The following USH2A variants were observed in gnomAD, a reference collection of about 807,000 sequenced individuals.
The protein encoded by USH2A is Usher syndrome 2A (autosomal recessive, mild).
In USH2A, 443 loss-of-function variants were observed where a neutral mutation model predicts 538.9. That is an observed-to-expected ratio of 0.82 (90% CI 0.76 to 0.89). The LOEUF (loss-of-function observed/expected upper bound fraction) is 0.89. USH2A is among the 40% of genes least tolerant of loss of function. The probability of loss-of-function intolerance (pLI) is 0.00; values close to 1 mark genes in which losing one functional copy is unlikely to be tolerated. For missense variants in USH2A, 6,633 were observed against 6,324.8 expected (o/e 1.05, Z -1.65); for synonymous variants, 2,413 against 2,273.5 (o/e 1.06, Z -1.75).
At position 215,674,911 on chromosome 1, in the gene USH2A, G is replaced by A. The variant is rs367850936; in HGVS notation, c.13000C>T (p.Gln4334Ter). The change falls in exon 63 of 72, where the codon CAA becomes TAA. Residue 4334 changes from glutamine (Q) to a stop codon, truncating the protein, a stop_gained. Transcript: ENST00000307340. LOFTEE classifies it high-confidence loss of function. The part of the protein sequence containing the change: ...LPFSTYSYAL[Q>*]ACTSGGCSTS... Reference sequence around the variant, plus strand: ...GAGCATCCTCCACTCGTGCAGGCTTGGAGTGCATAGCTATAGGTGGAAAAA... The same window carrying A: ...GAGCATCCTCCACTCGTGCAGGCTTAGAGTGCATAGCTATAGGTGGAAAAA... 6.2e-7 allele frequency: 1 copy of A among 1,614,142 alleles called. No individual in the cohort carries two copies. The highest frequency in any genetic ancestry group is 8.5e-7 in the Non-Finnish European group (1 of 1,180,016).
intron 3 of USH2A, among the ~76,000 whole-genome samples, chr1:216,373,302 T>C (rs543907436): frequency 1.3e-5 from 2 of 152,332 alleles, no homozygotes; most frequent in African/African-American, 4.8e-5. Context: ...GGAACAAAGA[T>C]GAGAACGTGA....
At chr1:216,236,864 C>G (rs146036210) in intron 13 of USH2A, among the ~76,000 whole-genome samples, 42 of 152,252 alleles carry the variant, frequency 2.8e-4, no homozygotes, top group African/African-American at 8.7e-4. Flanking sequence ...TTGGAATTTT[C>G]TGTTTCATAA....
intron 35 of USH2A, among the ~76,000 whole-genome samples, chr1:215,986,785 A>G (rs1219813726): frequency 2.6e-5 from 4 of 152,306 alleles, no homozygotes; most frequent in African/African-American, 7.2e-5. Context: ...CATCAACACT[A>G]TTACAATTTT....
intron 61 of USH2A, among the ~76,000 whole-genome samples, chr1:215,709,188 T>C (rs1659266188): frequency 6.6e-6 from 1 of 152,180 alleles, no homozygotes; most frequent in South Asian, 2.1e-4. Flanking sequence ...ATGATTAATC[T>C]TTCAGTGTGT....
chr1:216,329,937 T>C (rs966255118), intron 4 of USH2A, among the ~76,000 whole-genome samples: 3 of 152,244 alleles, frequency 2.0e-5, no homozygotes, highest in South Asian at 4.1e-4. Context: ...TCCAATTTGC[T>C]TTCTCAGGAT....
At chr1:215,829,364 A>G (rs1381882568) in intron 47 of USH2A, among the ~76,000 whole-genome samples, 1 of 152,230 alleles carries the variant, frequency 6.6e-6, no homozygotes, top group Non-Finnish European at 1.5e-5. Flanking sequence ...GAGTTGGTAC[A>G]CTGCACGCAT....
chr1:215,893,741 C>T (rs980771742), intron 40 of USH2A, among the ~76,000 whole-genome samples: 9 of 152,094 alleles, frequency 5.9e-5, no homozygotes, highest in African/African-American at 2.2e-4. Context: ...GAGGAGTGTG[C>T]TTTAAGTGCC....
chr1:216,040,609 C>T (rs1412391634), intron 32 of USH2A, among the ~76,000 whole-genome samples: 2 of 151,944 alleles, frequency 1.3e-5, no homozygotes, highest in Non-Finnish European at 2.9e-5. Flanking sequence ...TAGTCATCAT[C>T]GATCAGGTGC....
At chr1:215,904,992 C>G (rs959837092) in intron 38 of USH2A, among the ~76,000 whole-genome samples, 2 of 152,034 alleles carry the variant, frequency 1.3e-5, no homozygotes, top group Non-Finnish European at 2.9e-5. Flanking sequence ...GAAAACAAAA[C>G]ACCAAATAGA....
intron 21 of USH2A, among the ~76,000 whole-genome samples, chr1:216,166,995 T>C (rs1441732925): frequency 6.6e-6 from 1 of 152,094 alleles, no homozygotes; most frequent in Non-Finnish European, 1.5e-5. Flanking sequence ...TGCCTTTATT[T>C]TGAAGTTGCA....
rs1476397331 is a variant in USH2A at position 216,027,538 on chromosome 1, G to T, written c.6325+18893C>A. Among the ~76,000 whole-genome samples the T allele has an allele frequency of 1.3e-5, 2 of 152,102 alleles. 1 individual carries two copies. Among genetic ancestry groups the T allele is most frequent in the Non-Finnish European group, 2.9e-5 (2 of 68,020 alleles). On this transcript the variant is annotated intron_variant, in intron 32 of 71. Coordinates refer to ENST00000307340, the MANE Select transcript of USH2A (RefSeq NM_206933.4). ...AGGTCCGTAGTTAATTAAAACAGGG[G>T]TGTTATAAGGTCATGCAACAGTAGA... is the stretch of plus-strand genomic sequence containing the variant.
intron 4 of USH2A, among the ~76,000 whole-genome samples, chr1:216,350,107 G>C (rs962227472): frequency 2.6e-5 from 4 of 152,008 alleles, no homozygotes; most frequent in African/African-American, 9.7e-5. Context: ...AGTGGGAGGA[G>C]GTGCCACACA....
intron 47 of USH2A, among the ~76,000 whole-genome samples, chr1:215,829,516 G>T (rs974066065): frequency 6.6e-6 from 1 of 152,170 alleles, no homozygotes; most frequent in African/African-American, 2.4e-5. Context: ...TTAAATGCTA[G>T]AGAAGTAGAC....
intron 64 of USH2A, among the ~76,000 whole-genome samples, chr1:215,669,984 C>G (rs1452906474): frequency 6.6e-6 from 1 of 152,158 alleles, no homozygotes; most frequent in Non-Finnish European, 1.5e-5. Flanking sequence ...CACTTAAGTG[C>G]TTACATCAGT....
At chr1:216,222,769 G>A (rs1049063011) in intron 14 of USH2A, among the ~76,000 whole-genome samples, 27 of 152,068 alleles carry the variant, frequency 1.8e-4, no homozygotes, top group Non-Finnish European at 3.7e-4. Context: ...ACCTGAGGTT[G>A]GGAGTTTGAA....
At chr1:215,819,106 T>C (rs1375597416) in intron 47 of USH2A, among the ~76,000 whole-genome samples, 1 of 151,856 alleles carries the variant, frequency 6.6e-6, no homozygotes, top group African/African-American at 2.4e-5. Flanking sequence ...ATTTTACATA[T>C]AAAGCATTAG....
At chr1:216,037,998 A>T (rs980279475) in intron 32 of USH2A, among the ~76,000 whole-genome samples, 1 of 151,932 alleles carries the variant, frequency 6.6e-6, no homozygotes, top group Non-Finnish European at 1.5e-5. Flanking sequence ...TTAATTTTTC[A>T]GTCAGAATTG....
intron 9 of USH2A, among the ~76,000 whole-genome samples, chr1:216,302,092 C>A (rs2037226476): frequency 6.6e-6 from 1 of 152,130 alleles, no homozygotes; most frequent in Admixed American, 6.6e-5. Flanking sequence ...GTTCCCATGG[C>A]AAAGGTAATG....
chr1:216,072,942 T>C lies in USH2A; in HGVS notation c.5804A>G (p.His1935Arg), dbSNP rs1304124357. The part of the protein sequence containing the change: ...TEYLYRVIAS[H>R]EGGSVYSDWS... ...ATCACTATATACTGAACCTCCTTCA[T>C]GCGAGGCTATCACTCGATACAGGTA... Residue 1935 changes from histidine to arginine, a missense_variant, in exon 29 of 72, where the codon CAT (histidine) becomes CGT (arginine). Coordinates refer to ENST00000307340, the MANE Select transcript of USH2A (RefSeq NM_206933.4). 5 of 1,613,818 alleles carry C rather than the reference T, an allele frequency of 3.1e-6. No homozygotes were observed. The Admixed American group carries it at 8.3e-5, about 27-fold the overall frequency.
Sources: allele counts gnomAD v4.1 joint callset (sites outside exome capture counted in the v4.1 genomes callset), GRCh38; gene constraint gnomAD v4.1.1; transcripts MANE v1.5; gene names NCBI Gene and HGNC (gene_info 2026-07-23, HGNC 2026-07-21).